The following DOCK5 variants were observed in gnomAD, a reference collection of about 807,000 sequenced individuals.
DOCK5 encodes dedicator of cytokinesis protein 5.
DOCK5 carries 142 observed loss-of-function variants against 251.8 expected under a neutral mutation model. That is an observed-to-expected ratio of 0.56 (90% CI 0.49 to 0.65). The LOEUF is 0.65. Among genes scored for constraint, DOCK5 ranks in the 30% least tolerant of loss-of-function variants. The probability of loss-of-function intolerance (pLI) is 0.00; values close to 1 mark genes in which losing one functional copy is unlikely to be tolerated. For synonymous variants in DOCK5, 842 were observed against 835.5 expected, an observed-to-expected ratio of 1.01 and a Z score of -0.13; for missense variants, 2,111 against 2,312.3, an observed-to-expected ratio of 0.91 and a Z score of 1.79.
chr8:25,362,291 A>G (rs1296309848), intron 28 of DOCK5, among the ~76,000 whole-genome samples: 1 of 152,058 alleles, frequency 6.6e-6, no homozygotes, highest in African/African-American at 2.4e-5. Context: ...TTTCCCCACA[A>G]TTGTTGGTGA....
intron 1 of DOCK5, among the ~76,000 whole-genome samples, chr8:25,193,233 A>G (rs761781528): frequency 2.6e-5 from 4 of 152,050 alleles, no homozygotes; most frequent in Non-Finnish European, 5.9e-5. Context: ...ACATAACCTT[A>G]TTTTATGTGT....
rs576357196 is a variant in DOCK5, at chr8:25,225,385, C to T, written c.44-18289C>T. ...AATGGAGAAATAAAATGTGGTCTGACCATACAAAGGAATATTATTCAGCCT... is the reference window on the plus strand; with the variant it reads ...AATGGAGAAATAAAATGTGGTCTGATCATACAAAGGAATATTATTCAGCCT... On this transcript the variant is annotated intron_variant, in intron 1 of 51. Transcript: ENST00000276440. 1.8e-4 allele frequency among the ~76,000 whole-genome samples: 27 copies of T among 152,220 alleles called. 1 individual carries two copies. In the South Asian group the frequency reaches 5.0e-3, roughly 28 times the overall value.
chr8:25,351,114 G>A (rs1452814885), intron 26 of DOCK5, among the ~76,000 whole-genome samples: 1 of 151,970 alleles, frequency 6.6e-6, no homozygotes, highest in African/African-American at 2.4e-5. Flanking sequence ...CTGGAGTGCA[G>A]TGGCGTGATC....
chr8:25,244,841 C>T (rs112190694), intron 2 of DOCK5, among the ~76,000 whole-genome samples: 1 of 152,158 alleles, frequency 6.6e-6, no homozygotes, highest in African/African-American at 2.4e-5. Context: ...TATCCTTTTC[C>T]CTTCCACACA....
chr8:25,214,050 AT>A (rs1194351734), intron 1 of DOCK5, among the ~76,000 whole-genome samples: 2 of 152,196 alleles, frequency 1.3e-5, no homozygotes, highest in South Asian at 2.1e-4. Flanking sequence ...CCTGAAGGTA[AT>A]TTTGTACAAT....
chr8:25,347,631 G>C (rs1360007498), intron 26 of DOCK5, among the ~76,000 whole-genome samples: 1 of 152,118 alleles, frequency 6.6e-6, no homozygotes, highest in East Asian at 1.9e-4. Context: ...CAATGTACCT[G>C]GCACATTGGT....
rs143177410 is a variant in DOCK5 at position 25,236,576 on chromosome 8, A to G, written c.44-7098A>G. Among the ~76,000 whole-genome samples, 459 of 152,008 alleles carry G rather than the reference A, an allele frequency of 3.0e-3. 3 individuals are homozygous for G. The highest frequency in any genetic ancestry group is 0.011 in the African/African-American group (439 of 41,498). ...ATCATAATGGAAAAGAAGAATTGTA[A>G]CCATCTTTTTTTTATTTTTTTTGAA... On this transcript the variant is annotated intron_variant, in intron 1 of 51. Coordinates refer to ENST00000276440, the MANE Select transcript of DOCK5 (RefSeq NM_024940.8).
At chr8:25,396,451 CA>C (rs1381983269) in intron 45 of DOCK5, among the ~76,000 whole-genome samples, 2 of 152,040 alleles carry the variant, frequency 1.3e-5, no homozygotes, top group Non-Finnish European at 2.9e-5. Flanking sequence ...TAAATTAGTT[CA>C]ACTAAGTATT....
At chr8:25,337,327 G>C (rs1205376097) in intron 22 of DOCK5, among the ~76,000 whole-genome samples, 1 of 152,068 alleles carries the variant, frequency 6.6e-6, no homozygotes, top group Non-Finnish European at 1.5e-5. Flanking sequence ...GCAAAAATTG[G>C]TCCTGTATTT....
intron 5 of DOCK5, among the ~76,000 whole-genome samples, chr8:25,284,128 T>C (rs1804273385): frequency 6.6e-6 from 1 of 152,230 alleles, no homozygotes; most frequent in Admixed American, 6.5e-5. Context: ...AGAAGGCTAC[T>C]AGCTGATCCT....
chr8:25,187,130 G>A (rs1801447371), intron 1 of DOCK5, among the ~76,000 whole-genome samples: 1 of 151,434 alleles, frequency 6.6e-6, no homozygotes, highest in Non-Finnish European at 1.5e-5. Context: ...GAGCCTGGGA[G>A]GTTGAGGGTG....
intron 5 of DOCK5, among the ~76,000 whole-genome samples, chr8:25,287,452 A>C (rs549454958): frequency 1.9e-4 from 29 of 152,258 alleles, no homozygotes; most frequent in African/African-American, 7.0e-4. Flanking sequence ...TATTTGGACT[A>C]AAACTACAAA....
intron 2 of DOCK5, among the ~76,000 whole-genome samples, chr8:25,255,809 G>C (rs537972614): frequency 6.6e-6 from 1 of 152,316 alleles, no homozygotes; most frequent in Admixed American, 6.5e-5. Context: ...CTTCTGCTCA[G>C]TTTTGCTGTG....
At chr8:25,310,806 G>A (rs1805072098) in intron 13 of DOCK5, among the ~76,000 whole-genome samples, 1 of 152,126 alleles carries the variant, frequency 6.6e-6, no homozygotes, top group African/African-American at 2.4e-5. Flanking sequence ...ATTCCTGGAA[G>A]TTGGATATAC....
intron 50 of DOCK5, 106 bp from the exon 51 acceptor site, chr8:25,409,993 C>G (rs1306978744): frequency 1.2e-6 from 1 of 845,442 alleles, no homozygotes; most frequent in Non-Finnish European, 1.9e-6. Flanking sequence ...TGGCTTTCAT[C>G]AGTTGGTTGA....
chr8:25,350,490 C>A (rs958636641), intron 26 of DOCK5, among the ~76,000 whole-genome samples: 2 of 152,212 alleles, frequency 1.3e-5, no homozygotes, highest in Non-Finnish European at 2.9e-5. Flanking sequence ...ATGAAAACTG[C>A]AAGCTCAGCG....
chr8:25,378,802 C>T (rs1193665820), intron 38 of DOCK5, among the ~76,000 whole-genome samples: 2 of 152,190 alleles, frequency 1.3e-5, no homozygotes, highest in Non-Finnish European at 2.9e-5. Context: ...ATCGGGGAAA[C>T]CCACCCCCAA....
chr8:25,188,909 C>T (rs2117435760), intron 1 of DOCK5, among the ~76,000 whole-genome samples: 1 of 152,132 alleles, frequency 6.6e-6, no homozygotes, highest in South Asian at 2.1e-4. Context: ...TGATAAATAT[C>T]CAGAATAGTC....
chr8:25,314,405 C>T (rs1805182201), intron 13 of DOCK5, among the ~76,000 whole-genome samples: 1 of 151,980 alleles, frequency 6.6e-6, no homozygotes, highest in African/African-American at 2.4e-5. Flanking sequence ...AGGCATGAGC[C>T]ACAACACTCA....
Sources: gnomAD v4.1 joint callset for allele counts (sites outside exome capture counted in the v4.1 genomes callset) on GRCh38, gnomAD v4.1.1 for gene constraint, MANE v1.5 for transcripts, NCBI Gene and HGNC (gene_info 2026-07-23, HGNC 2026-07-21) for gene names.